Variants in HIP1R observed in about 807,000 individuals in gnomAD.
HIP1R encodes huntingtin-interacting protein 1-related protein.
A neutral mutation model predicts 144.2 loss-of-function variants in HIP1R; 135 were observed. That is an observed-to-expected ratio of 0.94 (90% CI 0.81 to 1.08). The LOEUF is 1.08. HIP1R is among the 50% of genes least tolerant of loss of function. The pLI is 0.00. For missense variants in HIP1R, 1,462 were observed against 1,432.8 expected, an observed-to-expected ratio of 1.02 and a Z score of -0.33; for synonymous variants, 698 against 612.8, an observed-to-expected ratio of 1.14 and a Z score of -2.05.
In HIP1R at chr12:122,861,687, C is replaced by T. The variant is rs745994090; in HGVS notation, c.3160-19C>T. The T allele has an allele frequency of 6.2e-6, 10 of 1,613,846 alleles. No individual in the cohort carries two copies. The highest frequency in any genetic ancestry group is 8.5e-6 in the Non-Finnish European group (10 of 1,179,888). On this transcript the variant is annotated intron_variant, in intron 31 of 31. Coordinates refer to ENST00000253083, the MANE Select transcript of HIP1R (RefSeq NM_003959.3). ...GTGCCTGGCTGTGACCACTGACCCC[C>T]CACCTTTAACCCCTGCAGCTTGACA...
chr12:122,858,303 C>A (rs761532797), intron 19 of HIP1R, 46 bp from the exon 20 acceptor site: 2 of 1,590,520 alleles, frequency 1.3e-6, no homozygotes, highest in Non-Finnish European at 8.6e-7. Flanking sequence ...CATCCCCAGC[C>A]CTGAGCAGCG....
intron 18 of HIP1R, 28 bp downstream of exon 18, chr12:122,857,243 CACT>C: frequency 4.6e-6 from 7 of 1,534,550 alleles, no homozygotes; most frequent in African/African-American, 1.4e-5. Flanking sequence ...GCAGCAGCAC[CACT>C]GAGTTCACTG....
chr12:122,862,111 A>ACTGGGAAACCGGGCCAGCGTGGGG lies in HIP1R; in HGVS notation c.*361_*384dup. 1 of 217,054 alleles carries ACTGGGAAACCGGGCCAGCGTGGGG rather than the reference A, an allele frequency of 4.6e-6. No homozygotes were observed. Among genetic ancestry groups the ACTGGGAAACCGGGCCAGCGTGGGG allele is most frequent in the Non-Finnish European group, 9.0e-6 (1 of 110,758 alleles). 13.4% of individuals were successfully genotyped at this position (217,054 alleles called of 1,614,324 possible). Reference sequence around the variant, plus strand: ...TTCTTCCTACGTTTGTAGTCAGCACACTGGGAAACCGGGCCAGCGTGGGGC... The same window carrying ACTGGGAAACCGGGCCAGCGTGGGG: ...TTCTTCCTACGTTTGTAGTCAGCACACTGGGAAACCGGGCCAGCGTGGGGCTGGGAAACCGGGCCAGCGTGGGGC... On this transcript the variant is annotated 3_prime_UTR_variant, in exon 32 of 32. Transcript: ENST00000253083.
At chr12:122,837,897 C>G (rs1227896466) in intron 1 of HIP1R, among the ~76,000 whole-genome samples, 1 of 152,198 alleles carries the variant, frequency 6.6e-6, no homozygotes, top group African/African-American at 2.4e-5. Context: ...TGGAAAAGGA[C>G]CTGGAGAGCT....
intron 1 of HIP1R, among the ~76,000 whole-genome samples, chr12:122,845,666 A>T (rs1302541965): frequency 3.3e-5 from 5 of 152,036 alleles, no homozygotes; most frequent in African/African-American, 1.2e-4. Flanking sequence ...GGGTGAGGGG[A>T]GAGGGTGATA....
At position 122,854,177 on chromosome 12, in the gene HIP1R, C is replaced by T. The variant is rs1566108648; in HGVS notation, c.712C>T (p.His238Tyr). The T allele has an allele frequency of 6.2e-6, 10 of 1,613,494 alleles. No individual in the cohort carries two copies. The highest frequency in any genetic ancestry group is 8.5e-6 in the Non-Finnish European group (10 of 1,179,818). Reference sequence around the variant, plus strand: ...CACGGTCAAGCTCCTGTTCAAGCTACACTCTTGTGAGTGGCCCAGGGCAAC... The same window carrying T: ...CACGGTCAAGCTCCTGTTCAAGCTATACTCTTGTGAGTGGCCCAGGGCAAC... The part of the protein sequence containing the change: ...HYTVKLLFKL[H>Y]SCLPADTLQG... The change falls in exon 8 of 32, where the codon CAC (histidine) becomes TAC (tyrosine). Residue 238 changes from histidine to tyrosine, a missense_variant. Physicochemically the swap from His to Tyr is moderately conservative, Grantham distance 83. Coordinates refer to ENST00000253083, the MANE Select transcript of HIP1R (RefSeq NM_003959.3).
intron 1 of HIP1R, among the ~76,000 whole-genome samples, chr12:122,846,824 AG>A (rs1374976382): frequency 6.6e-6 from 1 of 152,194 alleles, no homozygotes; most frequent in Non-Finnish European, 1.5e-5. Flanking sequence ...CCCACCAGGT[AG>A]GGCCCCCCAG....
chr12:122,851,243 C>T lies in HIP1R; in HGVS notation c.523C>T (p.Leu175Phe). Reference sequence around the variant, plus strand: ...CCCACTTCTCTTGCGTAGCTTCCAGCTCACTGTGGAGATGTTTGATTACAT... The same window carrying T: ...CCCACTTCTCTTGCGTAGCTTCCAGTTCACTGTGGAGATGTTTGATTACAT... ...AGTDVNNIFQ[L>F]TVEMFDYMDC... Residue 175 changes from leucine (L) to phenylalanine (F), a missense_variant, in exon 7 of 32, where the codon CTC becomes TTC. Around this residue, in one of 2 missense-constraint regions of HIP1R, gnomAD observed 350 missense variants for 421.1 expected, o/e 0.83. Coordinates refer to ENST00000253083, the MANE Select transcript of HIP1R (RefSeq NM_003959.3). 1 of 1,528,594 alleles carries T rather than the reference C, an allele frequency of 6.5e-7. No individual in the cohort carries two copies. The highest frequency in any genetic ancestry group is 1.9e-4 in the Middle Eastern group (1 of 5,370). 94.7% of individuals were successfully genotyped at this position (1,528,594 alleles called of 1,614,324 possible).
chr12:122,860,533 CCTGG>C lies in HIP1R; in HGVS notation c.2660+11_2660+14del, dbSNP rs1566115728. ...GAGCCACACAGCTGGTGTAGGTTGC[CCTGG>C]GTGGGGGGGGGCAGGGGGCTGCTTC... On this transcript the variant is annotated intron_variant, in intron 27 of 31. Transcript: ENST00000253083. 6.2e-7 allele frequency: 1 copy of C among 1,605,592 alleles called. No homozygotes were observed. Among genetic ancestry groups the C allele is most frequent in the African/African-American group, 1.3e-5 (1 of 74,684 alleles).
At chr12:122,850,965 T>A in intron 6 of HIP1R, 54 bp downstream of exon 6, 1 of 1,516,458 alleles carries the variant, frequency 6.6e-7, no homozygotes, top group Non-Finnish European at 9.1e-7. Context: ...CCCCATTCCT[T>A]CCTACCGCGT....
At chr12:122,859,311 C>A in intron 22 of HIP1R, 114 bp downstream of exon 22, 1 of 1,471,724 alleles carries the variant, frequency 6.8e-7, no homozygotes, top group Non-Finnish European at 9.4e-7. Context: ...CCTCAGGACA[C>A]AGGGTGGGGA....
chr12:122,861,312 G>A lies in HIP1R; in HGVS notation c.2957G>A (p.Arg986His), dbSNP rs754414554. The change falls in exon 31 of 32, where the codon CGT becomes CAT. Residue 986 changes from arginine (R) to histidine (H), a missense_variant. Around this residue, in one of 2 missense-constraint regions of HIP1R, gnomAD observed 1,112 missense variants for 1,011.7 expected, o/e 1.10. Transcript: ENST00000253083. ...LKKQEMETQV[R>H]VLELEKTLEA... Reference sequence around the variant, plus strand: ...GAGCAGGCCGTGTGGCTACAGGTGCGTGTCCTGGAGCTGGAGAAGACGCTG... The same window carrying A: ...GAGCAGGCCGTGTGGCTACAGGTGCATGTCCTGGAGCTGGAGAAGACGCTG... The A allele has an allele frequency of 4.0e-5, 65 of 1,613,658 alleles. 1 individual carries two copies. In the Middle Eastern group the frequency reaches 5.0e-4, roughly 12 times the overall value.
chr12:122,857,047 G>A lies in HIP1R; in HGVS notation c.1647G>A (p.Leu549=), dbSNP rs2033604446. 6.4e-7 allele frequency: 1 copy of A among 1,550,578 alleles called. No homozygotes were observed. The highest frequency in any genetic ancestry group is 8.7e-7 in the Non-Finnish European group (1 of 1,147,580). The change falls in exon 18 of 32, where the codon CTG becomes CTA. Residue 549 remains leucine (L), a synonymous_variant. Coordinates refer to ENST00000253083, the MANE Select transcript of HIP1R (RefSeq NM_003959.3). ...GCAAGTCGGAGCTGAGCTCACGGCT[G>A]GACACGCTGAGTGCGGAGAAGGATG... ...EQSKSELSSR[L]DTLSAEKDAL... is the part of the protein sequence containing the mutation.
At chr12:122,861,079 G>T (rs560855261) in intron 29 of HIP1R, 40 bp downstream of exon 29, 2 of 1,613,560 alleles carry the variant, frequency 1.2e-6, no homozygotes, top group East Asian at 4.5e-5. Flanking sequence ...GGCTCCCGAG[G>T]CTGAATGGGG....
Position 122,857,067 on chromosome 12 carries a change from A to G in HIP1R, c.1667A>G (p.Lys556Arg), listed in dbSNP as rs1199635639. ...SSRLDTLSAE[K>R]DALSGAVRQR... ...CGGCTGGACACGCTGAGTGCGGAGA[A>G]GGATGCTCTGAGTGGAGCTGTGCGG... is the stretch of plus-strand genomic sequence containing the variant. The change falls in exon 18 of 32, where the codon AAG becomes AGG. Residue 556 changes from lysine (K) to arginine (R), a missense_variant. Physicochemically the swap from Lys to Arg is conservative, Grantham distance 26. Coordinates refer to ENST00000253083, the MANE Select transcript of HIP1R (RefSeq NM_003959.3). The G allele has an allele frequency of 1.3e-6, 2 of 1,551,550 alleles. No individual in the cohort carries two copies. Among genetic ancestry groups the G allele is most frequent in the East Asian group, 2.4e-5 (1 of 41,162 alleles).
chr12:122,856,319 A>G lies in HIP1R; in HGVS notation c.1376A>G (p.His459Arg), dbSNP rs1433259390. The G allele has an allele frequency of 5.0e-6, 8 of 1,613,882 alleles. No individual in the cohort carries two copies. Among genetic ancestry groups the G allele is most frequent in the African/African-American group, 2.7e-5 (2 of 75,044 alleles). Residue 459 changes from histidine to arginine, a missense_variant, in exon 15 of 32, where the codon CAT (histidine) becomes CGT (arginine). Around this residue, in one of 2 missense-constraint regions of HIP1R, gnomAD observed 1,112 missense variants for 1,011.7 expected, o/e 1.10. Transcript: ENST00000253083. ...AAGGAAAAGCACAGTGAGCTCGTCC[A>G]TGTGCACGCGGAGCTGCTCAGAAAG... The part of the protein sequence containing the change: ...KLKEKHSELV[H>R]VHAELLRKNA...
At chr12:122,850,753 TG>T (rs766454509) in intron 5 of HIP1R, 81 bp from the exon 6 acceptor site, 8 of 575,450 alleles carry the variant, frequency 1.4e-5, no homozygotes, top group East Asian at 6.0e-5. Flanking sequence ...GGCCGCTGGG[TG>T]GGGGGGAGCC....
At chr12:122,853,945 G>A in intron 7 of HIP1R, 98 bp from the exon 8 acceptor site, 1 of 1,395,754 alleles carries the variant, frequency 7.2e-7, no homozygotes. Flanking sequence ...ACTGGTGTGT[G>A]GGAGCTGGCT....
In HIP1R at chr12:122,838,243, G is replaced by C. The variant is rs372098800; in HGVS notation, c.93+2600G>C. On this transcript the variant is annotated intron_variant, in intron 1 of 31. Transcript: ENST00000253083. ...AGCTGGTGCCTGTGATTGTTGCATG[G>C]TGTGTGTGTATAATCCCAGGGGAAT... 1.5e-4 allele frequency among the ~76,000 whole-genome samples: 23 copies of C among 152,048 alleles called. No homozygotes were observed. In the South Asian group the frequency reaches 4.1e-3, roughly 27 times the overall value.
Sources: allele counts gnomAD v4.1 joint callset (sites outside exome capture counted in the v4.1 genomes callset), GRCh38; gene constraint gnomAD v4.1.1; regional missense constraint gnomAD v4.1.1; transcripts MANE v1.5; gene names NCBI Gene and HGNC (gene_info 2026-07-23, HGNC 2026-07-21).